The following PBX3 variants were observed in gnomAD, a reference collection of about 807,000 sequenced individuals.
PBX3 encodes the protein PBX homeobox 3, also known as pre-B-cell leukemia transcription factor 3.
PBX3 carries 14 observed loss-of-function variants against 48.5 expected under a neutral mutation model. The observed-to-expected ratio is 0.29, with a 90% CI of 0.19 to 0.45. The LOEUF is 0.45. Among genes scored for constraint, PBX3 ranks in the 20% least tolerant of loss-of-function variants. The pLI is 1.00. For synonymous variants in PBX3, 210 were observed against 200.3 expected (o/e 1.05, Z -0.41); for missense variants, 386 against 546.7 (o/e 0.71, Z 2.93).
chr9:125,922,374 G>T (rs28369328), intron 3 of PBX3, among the ~76,000 whole-genome samples: 1 of 152,150 alleles, frequency 6.6e-6, no homozygotes, highest in Non-Finnish European at 1.5e-5. Flanking sequence ...AAACAAAAAT[G>T]CATCCTAGGT....
intron 2 of PBX3, among the ~76,000 whole-genome samples, chr9:125,904,091 A>G (rs1397473147): frequency 6.6e-6 from 1 of 151,956 alleles, no homozygotes; most frequent in African/African-American, 2.4e-5. Context: ...TTGATATTAT[A>G]CTAAAAATTA....
At chr9:125,960,900 A>G (rs1842415891) in intron 6 of PBX3, 51 bp downstream of exon 6, 2 of 1,574,818 alleles carry the variant, frequency 1.3e-6, no homozygotes, top group African/African-American at 2.7e-5. Flanking sequence ...CTTATGCCAC[A>G]ATGCCCTGTC....
intron 2 of PBX3, among the ~76,000 whole-genome samples, chr9:125,841,597 A>G (rs1386845999): frequency 4.6e-5 from 7 of 152,196 alleles, no homozygotes; most frequent in Admixed American, 4.6e-4. Flanking sequence ...GACAGAGAAG[A>G]CAGGAAAAGA....
intron 2 of PBX3, among the ~76,000 whole-genome samples, chr9:125,812,304 C>CA (rs1281642057): frequency 6.6e-6 from 1 of 152,162 alleles, no homozygotes; most frequent in African/African-American, 2.4e-5. Flanking sequence ...TCCTCCATAG[C>CA]AATTAGTGAA....
At chr9:125,925,769 T>C (rs1245646160) in intron 3 of PBX3, among the ~76,000 whole-genome samples, 1 of 152,238 alleles carries the variant, frequency 6.6e-6, no homozygotes, top group Non-Finnish European at 1.5e-5. Context: ...AATTTAAAAA[T>C]TTAATATGTG....
chr9:125,768,056 A>G (rs140500440), intron 2 of PBX3, among the ~76,000 whole-genome samples: 28 of 150,394 alleles, frequency 1.9e-4, no homozygotes, highest in South Asian at 8.3e-4. Flanking sequence ...TAATTAGCAT[A>G]TATTACCTTG....
At chr9:125,938,739 A>G (rs773758138) in intron 5 of PBX3, among the ~76,000 whole-genome samples, 2 of 152,216 alleles carry the variant, frequency 1.3e-5, no homozygotes, top group Non-Finnish European at 2.9e-5. Flanking sequence ...AAGAGATAGG[A>G]CAAGTAATTG....
At chr9:125,912,610 T>C (rs1176251413) in intron 2 of PBX3, among the ~76,000 whole-genome samples, 1 of 152,164 alleles carries the variant, frequency 6.6e-6, no homozygotes, top group Non-Finnish European at 1.5e-5. Context: ...GAAATGAATG[T>C]TGTGATTATA....
chr9:125,787,338 GA>G (rs1837484452), intron 2 of PBX3, among the ~76,000 whole-genome samples: 1 of 152,116 alleles, frequency 6.6e-6, no homozygotes, highest in Admixed American at 6.6e-5. Context: ...TGATGAGCAG[GA>G]AAGATAATCT....
At chr9:125,958,976 C>T (rs1564191698) in intron 5 of PBX3, among the ~76,000 whole-genome samples, 1 of 152,144 alleles carries the variant, frequency 6.6e-6, no homozygotes, top group African/African-American at 2.4e-5. Context: ...CATGTAAGAG[C>T]CTGCTCTAGG....
intron 2 of PBX3, among the ~76,000 whole-genome samples, chr9:125,760,296 A>T (rs1836630778): frequency 6.6e-6 from 1 of 152,166 alleles, no homozygotes; most frequent in East Asian, 1.9e-4. Flanking sequence ...TCAAGACTTC[A>T]TATGTGATTA....
chr9:125,819,254 CG>C (rs1332288251), intron 2 of PBX3, among the ~76,000 whole-genome samples: 1 of 151,786 alleles, frequency 6.6e-6, no homozygotes, highest in Non-Finnish European at 1.5e-5. Context: ...CAAGGCCAGG[CG>C]GGGTGGCTCA....
chr9:125,777,551 A>G (rs949179607), intron 2 of PBX3, among the ~76,000 whole-genome samples: 1 of 149,520 alleles, frequency 6.7e-6, no homozygotes, highest in African/African-American at 2.5e-5. Flanking sequence ...TTTAGTAGAG[A>G]CGGGGTTTTA....
At chr9:125,954,654 G>C (rs1375886727) in intron 5 of PBX3, among the ~76,000 whole-genome samples, 4 of 152,120 alleles carry the variant, frequency 2.6e-5, no homozygotes, top group Non-Finnish European at 5.9e-5. Context: ...CCCTGCCCCA[G>C]CCTCCTGAGT....
chr9:125,924,853 T>C (rs1841536620), intron 3 of PBX3, among the ~76,000 whole-genome samples: 1 of 152,236 alleles, frequency 6.6e-6, no homozygotes, highest in South Asian at 2.1e-4. Context: ...CTGTTTTCCT[T>C]GGCATGGAAG....
intron 2 of PBX3, among the ~76,000 whole-genome samples, chr9:125,824,824 T>A (rs1838759705): frequency 6.6e-6 from 1 of 152,040 alleles, no homozygotes. Flanking sequence ...TATGTAACAA[T>A]AACGATAGCT....
At chr9:125,751,726 T>G (rs906217406) in intron 2 of PBX3, among the ~76,000 whole-genome samples, 1 of 152,244 alleles carries the variant, frequency 6.6e-6, no homozygotes, top group African/African-American at 2.4e-5. Context: ...GAGATTATTG[T>G]TGATATGTTA....
intron 1 of PBX3, 147 bp downstream of exon 1, chr9:125,747,800 G>C: frequency 1.7e-6 from 1 of 571,956 alleles, no homozygotes; most frequent in Non-Finnish European, 2.9e-6. Context: ...CCCGGCCTCG[G>C]GGGGACTTGC....
chr9:125,777,010 C>CTTTTT (rs1299800849), intron 2 of PBX3, among the ~76,000 whole-genome samples: 4 of 94,294 alleles, frequency 4.2e-5, no homozygotes, highest in East Asian at 3.0e-4. Flanking sequence ...TTTTTCTTTT[C>CTTTTT]TTTTCTTTTT....
Sources: allele counts gnomAD v4.1 joint callset (sites outside exome capture counted in the v4.1 genomes callset), GRCh38; gene constraint gnomAD v4.1.1; transcripts MANE v1.5; gene names NCBI Gene and HGNC (gene_info 2026-07-23, HGNC 2026-07-21).